The following NT5C2 variants were observed in gnomAD, a reference collection of about 807,000 sequenced individuals.
The protein encoded by NT5C2 is cytosolic purine 5'-nucleotidase.
Under a neutral mutation model 76.1 loss-of-function variants are expected in NT5C2, and 58 were observed. The observed-to-expected ratio is 0.76, with a 90% CI of 0.62 to 0.95. The LOEUF is 0.95. NT5C2 is among the 40% of genes least tolerant of loss of function. The pLI is 0.00. For missense variants in NT5C2, 478 were observed against 690.3 expected (o/e 0.69, Z 3.45); for synonymous variants, 229 against 237.4 (o/e 0.96, Z 0.32).
chr10:103,135,953 G>T (rs568192490), intron 4 of NT5C2, among the ~76,000 whole-genome samples: 1 of 151,948 alleles, frequency 6.6e-6, no homozygotes, highest in South Asian at 2.1e-4. Context: ...TGGGTGTGGT[G>T]GTGGGCACCT....
intron 4 of NT5C2, among the ~76,000 whole-genome samples, chr10:103,138,873 G>A (rs1006451407): frequency 4.6e-5 from 7 of 152,152 alleles, no homozygotes; most frequent in Non-Finnish European, 8.8e-5. Context: ...CGGGTGTGGT[G>A]GTGCATGCCT....
In NT5C2 at chr10:103,157,282, A is replaced by G. The variant is rs116588268; in HGVS notation, c.101+17576T>C. Among the ~76,000 whole-genome samples, 934 of 152,240 alleles carry G rather than the reference A, an allele frequency of 6.1e-3. 9 individuals are homozygous for G. Among genetic ancestry groups the G allele is most frequent in the African/African-American group, 0.021 (883 of 41,554 alleles). On this transcript the variant is annotated intron_variant, in intron 3 of 18. Coordinates refer to ENST00000404739, the MANE Select transcript of NT5C2 (RefSeq NM_001351169.2). ...CAAGGAACTAAAAAACACAAAGTCT[A>G]AGCCTTTAGACTTTGGCAGGGTAAG...
chr10:103,114,395 C>A (rs1052014520), intron 4 of NT5C2, among the ~76,000 whole-genome samples: 11 of 151,588 alleles, frequency 7.3e-5, no homozygotes, highest in African/African-American at 2.7e-4. Flanking sequence ...GGTGACAGAG[C>A]GAGACTCTGT....
chr10:103,101,650 C>T (rs949151971), intron 6 of NT5C2, among the ~76,000 whole-genome samples: 1 of 151,774 alleles, frequency 6.6e-6, no homozygotes, highest in Non-Finnish European at 1.5e-5. Context: ...AGCTTAGGTT[C>T]CAGCTCTTAA....
At chr10:103,111,966 A>G (rs1265804509) in intron 4 of NT5C2, among the ~76,000 whole-genome samples, 2 of 152,228 alleles carry the variant, frequency 1.3e-5, no homozygotes, top group Admixed American at 1.3e-4. Context: ...CATCACTAAA[A>G]TTAGCCTAAT....
At chr10:103,105,015 T>C (rs571336556) in intron 6 of NT5C2, among the ~76,000 whole-genome samples, 1 of 152,242 alleles carries the variant, frequency 6.6e-6, no homozygotes, top group South Asian at 2.1e-4. Context: ...GCTACAGAAG[T>C]TGTCAAATTG....
intron 3 of NT5C2, among the ~76,000 whole-genome samples, chr10:103,163,113 T>C (rs35745742): frequency 0.022 from 3,320 of 152,334 alleles, 58 homozygotes; most frequent in Non-Finnish European, 0.035. Context: ...TTGCTCTATG[T>C]ATCACTAGTT....
intron 1 of NT5C2, among the ~76,000 whole-genome samples, chr10:103,182,803 C>A (rs760913837): frequency 1.3e-5 from 2 of 152,180 alleles, no homozygotes; most frequent in Admixed American, 1.3e-4. Context: ...ACAACTTTCA[C>A]TGCATATTAC....
At chr10:103,157,225 C>T (rs1274176257) in intron 3 of NT5C2, among the ~76,000 whole-genome samples, 5 of 151,628 alleles carry the variant, frequency 3.3e-5, no homozygotes, top group Non-Finnish European at 7.4e-5. Flanking sequence ...CCTAACCATG[C>T]TGTAGAGAAA....
At chr10:103,100,949 G>GAAAAGC in intron 8 of NT5C2, 96 bp downstream of exon 8, 1 of 783,718 alleles carries the variant, frequency 1.3e-6, no homozygotes, top group Non-Finnish European at 2.2e-6. Context: ...ATTCACTTTA[G>GAAAAGC]AAAAGCAGAA....
At chr10:103,180,520 C>G (rs1461976469) in intron 2 of NT5C2, among the ~76,000 whole-genome samples, 1 of 152,052 alleles carries the variant, frequency 6.6e-6, no homozygotes, top group African/African-American at 2.4e-5. Context: ...TTGCTTGAAC[C>G]CAGGAGTTCA....
chr10:103,135,811 G>T (rs12780509), intron 4 of NT5C2, among the ~76,000 whole-genome samples: 16,219 of 142,666 alleles, frequency 0.11, 1,128 homozygotes, highest in Non-Finnish European at 0.16. Flanking sequence ...ATGGCTGGGC[G>T]TGGTGGCTCA....
rs570319845 is a variant in NT5C2 at position 103,136,044 on chromosome 10, A to G, written c.175+3362T>C. ...ACAGGTTGCAGTGAGCCAGGATTGC[A>G]CCATTGCACTCCAGCCTGGGAGACA... On this transcript the variant is annotated intron_variant, in intron 4 of 18. Coordinates refer to ENST00000404739, the MANE Select transcript of NT5C2 (RefSeq NM_001351169.2). Among the ~76,000 whole-genome samples the G allele has an allele frequency of 5.0e-3, 754 of 152,212 alleles. 3 individuals carry two copies. Among genetic ancestry groups the G allele is most frequent in the Non-Finnish European group, 8.0e-3 (544 of 68,022 alleles).
intron 6 of NT5C2, among the ~76,000 whole-genome samples, chr10:103,104,921 G>A (rs11191558): frequency 0.089 from 13,499 of 152,216 alleles, 843 homozygotes; most frequent in East Asian, 0.28. Context: ...CTGGTTTTAC[G>A]AGCTGTTGTT....
At chr10:103,189,022 G>C (rs2092378836) in intron 1 of NT5C2, among the ~76,000 whole-genome samples, 1 of 145,732 alleles carries the variant, frequency 6.9e-6, no homozygotes, top group South Asian at 2.2e-4. Flanking sequence ...AAAGAGTGTG[G>C]GATGAAAGAG....
intron 1 of NT5C2, among the ~76,000 whole-genome samples, chr10:103,181,678 T>C (rs564927875): frequency 6.6e-6 from 1 of 152,298 alleles, no homozygotes; most frequent in South Asian, 2.1e-4. Context: ...AGTACAGTAA[T>C]ATTCTTCACG....
At chr10:103,159,661 AAAAAG>A (rs1471447409) in intron 3 of NT5C2, among the ~76,000 whole-genome samples, 1 of 151,870 alleles carries the variant, frequency 6.6e-6, no homozygotes, top group African/African-American at 2.4e-5. Context: ...TAAAAAAAAA[AAAAAG>A]AAAGAAAAGA....
intron 3 of NT5C2, among the ~76,000 whole-genome samples, chr10:103,165,574 C>CGTT: frequency 9.2e-6 from 1 of 109,266 alleles, no homozygotes; most frequent in East Asian, 3.0e-4. Flanking sequence ...CCACCTGTGG[C>CGTT]TTTTTTTTTT....
intron 3 of NT5C2, among the ~76,000 whole-genome samples, chr10:103,162,983 T>C (rs1336666285): frequency 6.6e-6 from 1 of 152,182 alleles, no homozygotes; most frequent in African/African-American, 2.4e-5. Flanking sequence ...TAGAACCCAC[T>C]AATGTGTTCT....
Sources: allele counts gnomAD v4.1 joint callset (sites outside exome capture counted in the v4.1 genomes callset), GRCh38; gene constraint gnomAD v4.1.1; transcripts MANE v1.5; gene names NCBI Gene and HGNC (gene_info 2026-07-23, HGNC 2026-07-21).